Variants in ARHGAP17 observed in about 807,000 individuals in gnomAD.
ARHGAP17 encodes the protein Rho GTPase activating protein 17.
In ARHGAP17, 57 loss-of-function variants were observed where a neutral mutation model predicts 99.5. That is an observed-to-expected ratio of 0.57 (90% CI 0.46 to 0.71). ARHGAP17 has a LOEUF of 0.71. Ranked by LOEUF, ARHGAP17 falls within the 30% of genes least tolerant of loss-of-function variation. The pLI, the probability that ARHGAP17 is intolerant of heterozygous loss-of-function variation, is 0.00. For missense variants in ARHGAP17, 1,000 were observed against 1,122.4 expected (o/e 0.89, Z 1.56); for synonymous variants, 417 against 429.6 (o/e 0.97, Z 0.36).
chr16:24,996,366 G>C (rs1388864365), intron 1 of ARHGAP17, among the ~76,000 whole-genome samples: 2 of 152,138 alleles, frequency 1.3e-5, no homozygotes, highest in East Asian at 3.8e-4. Context: ...TTCTGGGGAT[G>C]GAGCATTCAT....
intron 1 of ARHGAP17, among the ~76,000 whole-genome samples, chr16:24,996,292 T>A (rs998583994): frequency 6.6e-6 from 1 of 152,188 alleles, no homozygotes; most frequent in Admixed American, 6.5e-5. Flanking sequence ...GATAGTTGTA[T>A]TCCTAAGAAT....
Position 24,927,722 on chromosome 16 carries a change from A to C in ARHGAP17, c.2515+3062T>G, listed in dbSNP as rs867806986. 3 of 1,212,810 alleles carry C rather than the reference A, an allele frequency of 2.5e-6. No individual in the cohort carries two copies. In the Middle Eastern group the frequency reaches 6.8e-4, roughly 275 times the overall value. 75.1% of individuals were successfully genotyped at this position (1,212,810 alleles called of 1,614,324 possible). A position where few individuals can be genotyped will look rare whatever the true frequency, so the allele number is the denominator to read the frequency against. On this transcript the variant is annotated intron_variant, in intron 19 of 19. Coordinates refer to ENST00000289968, the MANE Select transcript of ARHGAP17 (RefSeq NM_001006634.3). ...AATCTCAGTTCTTACTGAATATGGC[A>C]GGTCATACATCTAAATTATTTAATA...
intron 3 of ARHGAP17, among the ~76,000 whole-genome samples, chr16:24,976,529 G>GAAAGA (rs2052521689): frequency 1.3e-5 from 2 of 151,592 alleles, no homozygotes; most frequent in Non-Finnish European, 2.9e-5. Flanking sequence ...ACCCTGTCAG[G>GAAAGA]AAAGAAAAGA....
chr16:24,970,142 T>C (rs1188816312), intron 4 of ARHGAP17, among the ~76,000 whole-genome samples: 4 of 151,990 alleles, frequency 2.6e-5, no homozygotes, highest in African/African-American at 9.7e-5. Flanking sequence ...CTGTAAACGA[T>C]GTGACTAAGA....
At chr16:24,979,401 C>T (rs949058519) in intron 1 of ARHGAP17, among the ~76,000 whole-genome samples, 1 of 152,110 alleles carries the variant, frequency 6.6e-6, no homozygotes, top group Non-Finnish European at 1.5e-5. Context: ...TGCAGGAGGT[C>T]TAGAGACATG....
In ARHGAP17 at chr16:25,013,420, C is replaced by T. The variant is rs116343835; in HGVS notation, c.53+1789G>A. 7.2e-3 allele frequency among the ~76,000 whole-genome samples: 1,089 copies of T among 152,174 alleles called. 14 individuals carry two copies. The highest frequency in any genetic ancestry group is 0.025 in the African/African-American group (1,018 of 41,508). ...GGCAGATCAGTTGAGGCCAGGAGTT[C>T]GAGACCACCCTAGGCAACATGGCAA... On this transcript the variant is annotated intron_variant, in intron 1 of 19. Coordinates refer to ENST00000289968, the MANE Select transcript of ARHGAP17 (RefSeq NM_001006634.3).
At position 24,955,553 on chromosome 16, in the gene ARHGAP17, G is replaced by C. The variant is rs923522152; in HGVS notation, c.725-823C>G. 1 of 152,244 alleles carries C rather than the reference G, an allele frequency of 6.6e-6. No individual in the cohort carries two copies. Among genetic ancestry groups the C allele is most frequent in the African/African-American group, 2.4e-5 (1 of 41,450 alleles). The allele number at this position is 152,244 out of a possible 1,614,324, so 9.4% of individuals were successfully genotyped here. A position where few individuals can be genotyped will look rare whatever the true frequency, so the allele number is the denominator to read the frequency against. On this transcript the variant is annotated intron_variant, in intron 9 of 19. Transcript: ENST00000289968. This position sits in a 1 kb window ranked among gnomAD's most constrained non-coding sequence, Gnocchi z 4.0. Reference sequence around the variant, plus strand: ...CCTGTGCAAGCTGCAGAGATCTAGTGCTATCTGAGCAGCTCGCAGAAGCAA... The same window carrying C: ...CCTGTGCAAGCTGCAGAGATCTAGTCCTATCTGAGCAGCTCGCAGAAGCAA...
At chr16:24,994,889 A>G (rs748966650) in intron 1 of ARHGAP17, among the ~76,000 whole-genome samples, 2 of 152,206 alleles carry the variant, frequency 1.3e-5, no homozygotes, top group African/African-American at 2.4e-5. Flanking sequence ...GTCTGTTCTC[A>G]CATTGCTAAT....
intron 1 of ARHGAP17, among the ~76,000 whole-genome samples, chr16:24,988,654 C>T (rs1400595125): frequency 2.0e-5 from 3 of 152,180 alleles, no homozygotes; most frequent in African/African-American, 4.8e-5. Context: ...TGAGGTTTAT[C>T]GTTTTCCTGC....
intron 1 of ARHGAP17, among the ~76,000 whole-genome samples, chr16:24,981,390 T>C (rs1380233458): frequency 2.0e-5 from 3 of 152,080 alleles, no homozygotes; most frequent in Non-Finnish European, 4.4e-5. Context: ...TGATTGGACA[T>C]AATATAAATA....
intron 9 of ARHGAP17, among the ~76,000 whole-genome samples, chr16:24,957,861 T>A (rs1407648847): frequency 6.6e-6 from 1 of 152,162 alleles, no homozygotes; most frequent in Admixed American, 6.5e-5. Context: ...CAACTGACCA[T>A]GAATGTGACA....
rs1255824832 is a variant in ARHGAP17 at position 24,967,979 on chromosome 16, T to C, written c.461+372A>G. ...GTGCCTCCTTCCTTGGTACTGAAGG[T>C]ATTACAAGTACACAGGGTTTGTGAC... On this transcript the variant is annotated intron_variant, in intron 6 of 19. Transcript: ENST00000289968. Among the ~76,000 whole-genome samples the C allele has an allele frequency of 3.3e-5, 5 of 152,106 alleles. No homozygotes were observed. In the East Asian group the frequency reaches 9.7e-4, roughly 29 times the overall value.
In ARHGAP17 at chr16:25,005,873, C is replaced by A. The variant is rs1026233015; in HGVS notation, c.53+9336G>T. ...TCATGCATAATGACACACATTATTGCGCAACATCACTTTCTGCACTACAAA... is the reference window on the plus strand; with the variant it reads ...TCATGCATAATGACACACATTATTGAGCAACATCACTTTCTGCACTACAAA... On this transcript the variant is annotated intron_variant, in intron 1 of 19. Transcript: ENST00000289968. Among the ~76,000 whole-genome samples the A allele has an allele frequency of 2.0e-5, 3 of 152,240 alleles. No individual in the cohort carries two copies. In the South Asian group the frequency reaches 6.2e-4, roughly 32 times the overall value.
intron 1 of ARHGAP17, among the ~76,000 whole-genome samples, chr16:25,002,995 T>C (rs574230810): frequency 4.0e-5 from 5 of 123,920 alleles, no homozygotes; most frequent in East Asian, 5.6e-4. Flanking sequence ...GCCGAGATTA[T>C]GCCACTGCAC....
chr16:24,951,224 T>C (rs1203462416), intron 12 of ARHGAP17, among the ~76,000 whole-genome samples: 1 of 152,186 alleles, frequency 6.6e-6, no homozygotes, highest in East Asian at 1.9e-4. Context: ...AGTAGAGGAA[T>C]ATAGCATTTG....
At chr16:24,965,642 A>G (rs181388264) in intron 6 of ARHGAP17, among the ~76,000 whole-genome samples, 3 of 152,350 alleles carry the variant, frequency 2.0e-5, no homozygotes, top group Admixed American at 2.0e-4. Flanking sequence ...TGGAGATGCT[A>G]TATTGTGAAA....
At chr16:25,008,473 T>C (rs915783098) in intron 1 of ARHGAP17, among the ~76,000 whole-genome samples, 5 of 152,220 alleles carry the variant, frequency 3.3e-5, no homozygotes, top group Non-Finnish European at 5.9e-5. Context: ...ATTACACTTT[T>C]AATCCCTACC....
At chr16:24,960,495 A>C (rs1224045244) in intron 7 of ARHGAP17, among the ~76,000 whole-genome samples, 1 of 151,962 alleles carries the variant, frequency 6.6e-6, no homozygotes, top group Non-Finnish European at 1.5e-5. Flanking sequence ...CAGTGAGCTG[A>C]GATCGTGTGC....
At chr16:24,983,030 G>A (rs13332338) in intron 1 of ARHGAP17, among the ~76,000 whole-genome samples, 26,970 of 92,220 alleles carry the variant, frequency 0.29, 5,082 homozygotes, top group East Asian at 0.48. Context: ...TTTGAGACAG[G>A]GTCTCGTTCT....
Sources: gnomAD v4.1 joint callset for allele counts (sites outside exome capture counted in the v4.1 genomes callset) on GRCh38, gnomAD v4.1.1 for gene constraint, Gnocchi (gnomAD v3.1) non-coding constraint, MANE v1.5 for transcripts, NCBI Gene and HGNC (gene_info 2026-07-23, HGNC 2026-07-21) for gene names.